UNC13C: variants seen among roughly 807,000 people sequenced by gnomAD.
UNC13C encodes protein unc-13 homolog C.
In UNC13C, 174 loss-of-function variants were observed where a neutral mutation model predicts 245.4. The ratio of observed to expected loss-of-function variants is 0.71; its 90% CI spans 0.63 to 0.80. The LOEUF is 0.80. Ranked by LOEUF, UNC13C falls within the 30% of genes least tolerant of loss-of-function variation. UNC13C has a pLI of 0.00. For synonymous variants in UNC13C, 992 were observed against 895.1 expected (o/e 1.11, Z -1.93); for missense variants, 2,829 against 2,602.9 (o/e 1.09, Z -1.89).
chr15:53,848,598 G>C, the UNC13C span, among the ~76,000 whole-genome samples: 1 of 152,124 alleles, frequency 6.6e-6, no homozygotes, highest in Non-Finnish European at 1.5e-5. Flanking sequence ...ATATTTGTCA[G>C]ATGTTGGACA....
At chr15:53,984,614 T>A (rs929309990) in intron 1 of UNC13C, among the ~76,000 whole-genome samples, 3 of 152,124 alleles carry the variant, frequency 2.0e-5, no homozygotes, top group African/African-American at 7.2e-5. Flanking sequence ...ATAAAGGAAG[T>A]TCTCAGTGAG....
At chr15:54,135,956 T>A (rs2031707507) in intron 2 of UNC13C, among the ~76,000 whole-genome samples, 1 of 152,136 alleles carries the variant, frequency 6.6e-6, no homozygotes, top group African/African-American at 2.4e-5. Context: ...TTTTTAAGGA[T>A]ATCAGTTTTT....
the UNC13C span, among the ~76,000 whole-genome samples, chr15:53,950,856 A>G: frequency 6.6e-6 from 1 of 152,350 alleles, no homozygotes; most frequent in Non-Finnish European, 1.5e-5. Flanking sequence ...CAGGAAGCCA[A>G]CTAAGACAAG....
At chr15:54,390,756 A>T in intron 17 of UNC13C, among the ~76,000 whole-genome samples, 1 of 152,050 alleles carries the variant, frequency 6.6e-6, no homozygotes, top group East Asian at 1.9e-4. Flanking sequence ...GCCCTATTAG[A>T]TTTCTAGGGT....
At chr15:54,188,879 G>C (rs1011990908) in intron 4 of UNC13C, among the ~76,000 whole-genome samples, 14 of 152,144 alleles carry the variant, frequency 9.2e-5, no homozygotes, top group Non-Finnish European at 1.5e-4. Flanking sequence ...TTCCAAATCA[G>C]AGCTTATCTT....
upstream of UNC13C, among the ~76,000 whole-genome samples, chr15:53,976,475 C>CTTTTTTTGTTTTTTTTTTTT (rs879775519): frequency 1.6e-5 from 1 of 63,738 alleles, no homozygotes; most frequent in African/African-American, 4.8e-5. Context: ...CTCTCTCTCT[C>CTTTTTTTGTTTTTTTTTTTT]TCTTTTTTTT....
chr15:54,622,931 A>G lies in UNC13C; in HGVS notation c.6199+512A>G, dbSNP rs79689609. On this transcript the variant is annotated intron_variant, in intron 31 of 32. Coordinates refer to ENST00000260323, the MANE Select transcript of UNC13C (RefSeq NM_001080534.3). ...TTCTATTTTTATATTAGTCACTTCA[A>G]TACCCACTTTGAGCAAAACTAGGGC... is the stretch of plus-strand genomic sequence containing the variant. Among the ~76,000 whole-genome samples, 863 of 152,240 alleles carry G rather than the reference A, an allele frequency of 5.7e-3. 17 individuals are homozygous for G. Among genetic ancestry groups the G allele is most frequent in the South Asian group, 0.046 (222 of 4,828 alleles).
chr15:53,854,122 G>GTTTTTTTGTT, the UNC13C span, among the ~76,000 whole-genome samples: 54,461 of 132,710 alleles, frequency 0.41, 11,785 homozygotes, highest in Middle Eastern at 0.55. Flanking sequence ...GTTTTTATAG[G>GTTTTTTTGTT]TTTTTTTTTT....
At chr15:54,412,965 G>T (rs1233087111) in intron 18 of UNC13C, among the ~76,000 whole-genome samples, 1 of 151,890 alleles carries the variant, frequency 6.6e-6, no homozygotes, top group Non-Finnish European at 1.5e-5. Flanking sequence ...TCTTTCAGAG[G>T]GATTTTAAAT....
chr15:54,165,210 GTA>G (rs1323289876), intron 4 of UNC13C, among the ~76,000 whole-genome samples: 1 of 152,020 alleles, frequency 6.6e-6, no homozygotes, highest in African/African-American at 2.4e-5. Context: ...GTTTGTGTGT[GTA>G]TATATGTGAT....
intron 30 of UNC13C, among the ~76,000 whole-genome samples, chr15:54,584,860 T>C (rs1369372850): frequency 6.6e-6 from 1 of 152,214 alleles, no homozygotes; most frequent in Non-Finnish European, 1.5e-5. Context: ...GAGTAAGTGG[T>C]GGAACTGGAT....
chr15:54,497,249 T>A (rs371076690), intron 20 of UNC13C, among the ~76,000 whole-genome samples: 2 of 152,110 alleles, frequency 1.3e-5, no homozygotes, highest in Non-Finnish European at 2.9e-5. Flanking sequence ...CTAAGATCCC[T>A]GAGAAAAGAA....
intron 2 of UNC13C, among the ~76,000 whole-genome samples, chr15:54,131,561 G>C (rs954753325): frequency 6.6e-6 from 1 of 152,176 alleles, no homozygotes; most frequent in Admixed American, 6.5e-5. Context: ...TTCCCAGGAC[G>C]TGAGTCATCC....
chr15:54,390,471 G>A (rs918803730), intron 17 of UNC13C, among the ~76,000 whole-genome samples: 1 of 151,896 alleles, frequency 6.6e-6, no homozygotes, highest in Non-Finnish European at 1.5e-5. Flanking sequence ...CAGATTTTCT[G>A]TAAAGTCTGT....
At chr15:53,923,527 A>C in the UNC13C span, among the ~76,000 whole-genome samples, 1 of 152,258 alleles carries the variant, frequency 6.6e-6, no homozygotes, top group Non-Finnish European at 1.5e-5. Context: ...TACTTCCCCT[A>C]TGACCCTTGA....
At position 54,552,502 on chromosome 15, in the gene UNC13C, T is replaced by A. The variant is rs1404607287; in HGVS notation, c.5877+2811T>A. Reference sequence around the variant, plus strand: ...ATATAATTATATATTATATTATATATAATTATATATTATATATTATATATA... The same window carrying A: ...ATATAATTATATATTATATTATATAAAATTATATATTATATATTATATATA... On this transcript the variant is annotated intron_variant, in intron 28 of 32. Coordinates refer to ENST00000260323, the MANE Select transcript of UNC13C (RefSeq NM_001080534.3). Among the ~76,000 whole-genome samples the A allele has an allele frequency of 4.9e-4, 26 of 52,930 alleles. 1 individual carries two copies. In the South Asian group the frequency reaches 0.017, roughly 35 times the overall value. 34.7% of individuals were successfully genotyped at this position (52,930 alleles called of 152,430 possible).
At chr15:53,898,027 A>G in the UNC13C span, among the ~76,000 whole-genome samples, 5 of 152,168 alleles carry the variant, frequency 3.3e-5, no homozygotes, top group African/African-American at 7.2e-5. Flanking sequence ...GCATCTTGTG[A>G]TAAAAATGCT....
intron 30 of UNC13C, among the ~76,000 whole-genome samples, chr15:54,597,420 C>T (rs575944274): frequency 6.6e-6 from 1 of 152,276 alleles, no homozygotes; most frequent in South Asian, 2.1e-4. Flanking sequence ...ACCGAACCTA[C>T]AGGCCAAAGT....
chr15:53,935,861 A>G, the UNC13C span, among the ~76,000 whole-genome samples: 1 of 152,142 alleles, frequency 6.6e-6, no homozygotes, highest in South Asian at 2.1e-4. Context: ...TTTGGGTCCA[A>G]AGCACAGAGA....
Sources: gnomAD v4.1 joint callset for allele counts (sites outside exome capture counted in the v4.1 genomes callset) on GRCh38, gnomAD v4.1.1 for gene constraint, MANE v1.5 for transcripts, NCBI Gene and HGNC (gene_info 2026-07-23, HGNC 2026-07-21) for gene names.